The following TMEM71 variants were observed in gnomAD, a reference collection of about 807,000 sequenced individuals.
TMEM71 encodes transmembrane protein 71.
A neutral mutation model predicts 38.0 loss-of-function variants in TMEM71; 44 were observed. The observed-to-expected ratio is 1.16, with a 90% confidence interval of 0.91 to 1.49. The LOEUF (loss-of-function observed/expected upper bound fraction) is 1.49. TMEM71 is among the 40% of genes most tolerant of loss of function. TMEM71 has a pLI of 0.00. For synonymous variants in TMEM71, 133 were observed against 122.5 expected, an observed-to-expected ratio of 1.09 and a Z score of -0.56; for missense variants, 367 against 348.6, an observed-to-expected ratio of 1.05 and a Z score of -0.42.
chr8:132,717,708 T>A (rs1194587574), intron 7 of TMEM71, among the ~76,000 whole-genome samples: 1 of 152,176 alleles, frequency 6.6e-6, no homozygotes, highest in Non-Finnish European at 1.5e-5. Flanking sequence ...ATATTAAATA[T>A]GGACTTACTA....
chr8:132,754,498 A>AGTTGTT (rs1448223137), intron 3 of TMEM71, among the ~76,000 whole-genome samples: 2 of 152,116 alleles, frequency 1.3e-5, no homozygotes, highest in African/African-American at 4.8e-5. Flanking sequence ...TCCAAGGTTT[A>AGTTGTT]GTTGTTGTTG....
At position 132,757,245 on chromosome 8, in the gene TMEM71, G is replaced by T; in HGVS notation, c.90C>A (p.Cys30Ter). ...GCCCCATAGTATACCTTGGGAAAAT[G>T]CACGTGGGAGACAGCTCTCCAGCAT... ...REYAGELSPTCIFPSFTCDSL... is the reference protein window; with the variant it reads ...REYAGELSPT The change falls in exon 3 of 10, where the codon TGC becomes TGA. Residue 30 changes from cysteine to a stop codon, truncating the protein, a stop_gained. Transcript: ENST00000677595. LOFTEE classifies it high-confidence loss of function. 1.2e-6 allele frequency: 2 copies of T among 1,610,044 alleles called. No individual in the cohort carries two copies. The highest frequency in any genetic ancestry group is 1.1e-5 in the South Asian group (1 of 91,020).
chr8:132,760,860 AAGACTC>A (rs1361136919), upstream of TMEM71: 1 of 152,240 alleles, frequency 6.6e-6, no homozygotes, highest in Non-Finnish European at 1.5e-5. Context: ...GAACGTGAGA[AAGACTC>A]AGCGAACTGA....
chr8:132,767,537 C>A, the TMEM71 span, among the ~76,000 whole-genome samples: 1 of 150,416 alleles, frequency 6.6e-6, no homozygotes, highest in Non-Finnish European at 1.5e-5. Context: ...TGCAGTGGCA[C>A]GATCTCAGCT....
Position 132,751,920 on chromosome 8 carries a change from G to A in TMEM71, c.179C>T (p.Thr60Ile). 1.2e-6 allele frequency: 2 copies of A among 1,614,124 alleles called. No homozygotes were observed. Among genetic ancestry groups the A allele is most frequent in the Non-Finnish European group, 1.7e-6 (2 of 1,180,026 alleles). The change falls in exon 4 of 10, where the codon ACC becomes ATC. Residue 60 changes from threonine to isoleucine, a missense_variant. Physicochemically the swap from Thr to Ile is moderately conservative, Grantham distance 89. Coordinates refer to ENST00000677595, the MANE Select transcript of TMEM71 (RefSeq NM_001382403.1). ...GAGGAGTCTGGGACTTCGGCGACAG[G>A]TATAGTGGGAGCCTGTCAGGGGATC... ...SIDPLTGSHY[T>I]CRRSPRLLTN...
chr8:132,715,271 G>A (rs920334979), intron 7 of TMEM71, among the ~76,000 whole-genome samples: 11 of 151,560 alleles, frequency 7.3e-5, no homozygotes, highest in Admixed American at 1.3e-4. Flanking sequence ...ATAGCCGGGC[G>A]TGGTGGCGGG....
chr8:132,767,536 A>T, the TMEM71 span, among the ~76,000 whole-genome samples: 1 of 147,890 alleles, frequency 6.8e-6, no homozygotes, highest in Non-Finnish European at 1.5e-5. Context: ...GTGCAGTGGC[A>T]CGATCTCAGC....
chr8:132,732,663 T>C (rs1827523574), intron 5 of TMEM71, among the ~76,000 whole-genome samples: 1 of 152,200 alleles, frequency 6.6e-6, no homozygotes, highest in East Asian at 1.9e-4. Flanking sequence ...CAGTCTCCCA[T>C]TCTAGGAGCT....
chr8:132,775,825 G>A, the TMEM71 span, among the ~76,000 whole-genome samples: 1 of 151,608 alleles, frequency 6.6e-6, no homozygotes, highest in Admixed American at 6.6e-5. Flanking sequence ...TTACCCCCCT[G>A]CGGAGGGCCG....
chr8:132,728,406 A>C (rs915014959), intron 5 of TMEM71, among the ~76,000 whole-genome samples: 11 of 152,210 alleles, frequency 7.2e-5, no homozygotes, highest in Admixed American at 7.2e-4. Context: ...CTTATTCACT[A>C]TCATGAGAAC....
downstream of TMEM71, among the ~76,000 whole-genome samples, chr8:132,709,413 G>A (rs982266233): frequency 6.6e-6 from 1 of 152,098 alleles, no homozygotes; most frequent in Non-Finnish European, 1.5e-5. Context: ...CTTACTAATG[G>A]TCCCCCAAAA....
At position 132,718,327 on chromosome 8, in the gene TMEM71, G is replaced by GC. The variant is rs1316973075; in HGVS notation, c.752+3712dup. 6.6e-5 allele frequency among the ~76,000 whole-genome samples: 10 copies of GC among 151,728 alleles called. No homozygotes were observed. In the South Asian group the frequency reaches 1.5e-3, roughly 22 times the overall value. ...ACAATAAATTATTTGAAAAGGCCTGGCCAGGTCAAAGGAGATATGTAACTT... is the reference window on the plus strand; with the variant it reads ...ACAATAAATTATTTGAAAAGGCCTGGCCCAGGTCAAAGGAGATATGTAACTT... On this transcript the variant is annotated intron_variant, in intron 7 of 9. Transcript: ENST00000677595.
intron 7 of TMEM71, among the ~76,000 whole-genome samples, chr8:132,715,135 C>A (rs903373851): frequency 1.3e-5 from 2 of 151,872 alleles, no homozygotes; most frequent in Admixed American, 6.6e-5. Context: ...CAGCAGGGCG[C>A]GGTGCTCATG....
intron 5 of TMEM71, among the ~76,000 whole-genome samples, chr8:132,741,633 G>A (rs992445389): frequency 6.6e-6 from 1 of 151,736 alleles, no homozygotes; most frequent in African/African-American, 2.4e-5. Context: ...GAGAAAGACA[G>A]CTTATGCCAT....
chr8:132,707,059 A>C (rs1187995223), downstream of TMEM71, among the ~76,000 whole-genome samples: 6 of 152,246 alleles, frequency 3.9e-5, no homozygotes, highest in Non-Finnish European at 1.5e-5. Context: ...GCAAAATTCC[A>C]ATGGAGTAAA....
the TMEM71 span, among the ~76,000 whole-genome samples, chr8:132,772,254 G>T: frequency 6.6e-6 from 1 of 152,116 alleles, no homozygotes; most frequent in African/African-American, 2.4e-5. Flanking sequence ...TAATGTTGGA[G>T]GAATTTAGTT....
At chr8:132,742,596 T>C (rs1048459605) in intron 5 of TMEM71, among the ~76,000 whole-genome samples, 2 of 152,232 alleles carry the variant, frequency 1.3e-5, no homozygotes, top group Non-Finnish European at 2.9e-5. Flanking sequence ...TTTCTCAAGG[T>C]TAGGGTCATG....
At chr8:132,771,341 G>A in the TMEM71 span, among the ~76,000 whole-genome samples, 1 of 152,074 alleles carries the variant, frequency 6.6e-6, no homozygotes. Flanking sequence ...TTGCTTCATG[G>A]TAATCTGCAC....
intron 6 of TMEM71, among the ~76,000 whole-genome samples, chr8:132,724,393 G>A (rs919368569): frequency 2.6e-5 from 4 of 152,010 alleles, no homozygotes; most frequent in East Asian, 1.9e-4. Context: ...TTTTCCTAGG[G>A]TCTTAATATT....
Sources: gnomAD v4.1 joint callset for allele counts (sites outside exome capture counted in the v4.1 genomes callset) on GRCh38, gnomAD v4.1.1 for gene constraint, MANE v1.5 for transcripts, NCBI Gene and HGNC (gene_info 2026-07-23, HGNC 2026-07-21) for gene names.